Variants in CUBN observed in about 807,000 individuals in gnomAD.
The protein encoded by CUBN is cubilin, also known as 460 kDa receptor.
A neutral mutation model predicts 405.3 loss-of-function variants in CUBN; 282 were observed. The ratio of observed to expected loss-of-function variants is 0.70; its 90% CI spans 0.63 to 0.77. CUBN has a LOEUF of 0.77. CUBN is among the 30% of genes least tolerant of loss of function. The probability of loss-of-function intolerance (pLI) is 0.00; values close to 1 mark genes in which losing one functional copy is unlikely to be tolerated. For missense variants in CUBN, 4,514 were observed against 4,475.2 expected (o/e 1.01, Z -0.25); for synonymous variants, 1,684 against 1,617.0 (o/e 1.04, Z -0.99).
rs1327326965 is a variant in CUBN at position 17,088,153 on chromosome 10, T to A, written c.1947+11A>T. ...TATTGTGATATGTTCTATCTAAATA[T>A]AATTATTTACCTCAAGGTAATCTTT... On this transcript the variant is annotated intron_variant, in intron 15 of 66. Transcript: ENST00000377833. 2 of 1,601,116 alleles carry A rather than the reference T, an allele frequency of 1.2e-6. No homozygotes were observed. The highest frequency in any genetic ancestry group is 1.3e-5 in the African/African-American group (1 of 74,630).
At chr10:17,008,238 G>GTGGTGT (rs1554809152) in intron 28 of CUBN, among the ~76,000 whole-genome samples, 4 of 80,846 alleles carry the variant, frequency 4.9e-5, no homozygotes, top group Non-Finnish European at 8.8e-5. Context: ...GCCCGTGTGT[G>GTGGTGT]GTGTGTGTGT....
Position 17,081,409 on chromosome 10 carries a change from A to T in CUBN, c.2301+2862T>A, listed in dbSNP as rs1316345541. Among the ~76,000 whole-genome samples, 4 of 152,188 alleles carry T rather than the reference A, an allele frequency of 2.6e-5. No homozygotes were observed. The East Asian group carries it at 7.7e-4, about 29-fold the overall frequency. On this transcript the variant is annotated intron_variant, in intron 17 of 66. Coordinates refer to ENST00000377833, the MANE Select transcript of CUBN (RefSeq NM_001081.4). The stretch of plus-strand genomic sequence containing the variant: ...AATTTTGGGTGGACTGCTTTTACTC[A>T]TCAATGGAGTCAGTAAAGGACAAAG...
At chr10:17,072,180 G>A (rs1380526267) in intron 17 of CUBN, among the ~76,000 whole-genome samples, 1 of 151,986 alleles carries the variant, frequency 6.6e-6, no homozygotes, top group Non-Finnish European at 1.5e-5. Flanking sequence ...AGCCAATAAA[G>A]TCCAAAAGCA....
Position 17,045,125 on chromosome 10 carries a change from T to C in CUBN, c.3554A>G (p.Tyr1185Cys). Residue 1185 changes from tyrosine (Y) to cysteine (C), a missense_variant, in exon 25 of 67, where the codon TAT (tyrosine) becomes TGT (cysteine). This residue lies in a region of CUBN where 242 missense variants were observed against 309.0 expected (regional missense o/e 0.78). Coordinates refer to ENST00000377833, the MANE Select transcript of CUBN (RefSeq NM_001081.4). ...TFISPNYPMP[Y>C]YHSSECYWWL... ...CCAGTAGCATTCAGAGCTGTGGTAA[T>C]AGGGCATCGGGTAGTTGGGAGATAT... 1 of 1,614,018 alleles carries C rather than the reference T, an allele frequency of 6.2e-7. No individual in the cohort carries two copies.
chr10:16,907,746 T>A, intron 48 of CUBN, 67 bp from the exon 49 acceptor site: 1 of 1,550,464 alleles, frequency 6.4e-7, no homozygotes. Context: ...TAGGAGGTGA[T>A]ATTTCCAGCC....
chr10:17,047,276 C>T, intron 23 of CUBN, 138 bp downstream of exon 23: 3 of 661,164 alleles, frequency 4.5e-6, no homozygotes, highest in Non-Finnish European at 7.5e-6. Context: ...AAATGACAAA[C>T]TTTATTTCTT....
intron 31 of CUBN, among the ~76,000 whole-genome samples, chr10:16,975,624 C>CT (rs199779818): frequency 0.2 from 23,487 of 117,580 alleles, 3,090 homozygotes; most frequent in Non-Finnish European, 0.27. Flanking sequence ...TAAAGACCTT[C>CT]TTTTTTTTTT....
intron 1 of CUBN, 146 bp from the exon 2 acceptor site, chr10:17,129,396 C>G: frequency 9.7e-7 from 1 of 1,031,226 alleles, no homozygotes; most frequent in Non-Finnish European, 1.4e-6. Context: ...GCTCATCTGC[C>G]ACTTTTTTCT....
chr10:17,076,793 G>A (rs1442074035), intron 17 of CUBN, among the ~76,000 whole-genome samples: 1 of 152,156 alleles, frequency 6.6e-6, no homozygotes, highest in Non-Finnish European at 1.5e-5. Context: ...TCTAGAGCCT[G>A]GGTCTCAGGA....
chr10:16,901,121 C>A (rs1413747018), intron 52 of CUBN, among the ~76,000 whole-genome samples: 1 of 152,108 alleles, frequency 6.6e-6, no homozygotes, highest in Non-Finnish European at 1.5e-5. Flanking sequence ...CTGTGTATAT[C>A]TTTCCCTATG....
intron 22 of CUBN, among the ~76,000 whole-genome samples, chr10:17,053,357 T>A (rs1485688056): frequency 6.6e-6 from 1 of 151,952 alleles, no homozygotes; most frequent in Non-Finnish European, 1.5e-5. Flanking sequence ...ATGGTGAAAC[T>A]AAGTTGTAAC....
chr10:17,114,308 T>C (rs1836838387), intron 7 of CUBN, 119 bp from the exon 8 acceptor site: 1 of 957,420 alleles, frequency 1.0e-6, no homozygotes, highest in Non-Finnish European at 1.6e-6. Flanking sequence ...ATAAGGCCAA[T>C]CCACTGGCTT....
intron 17 of CUBN, among the ~76,000 whole-genome samples, chr10:17,077,512 G>T (rs1835879045): frequency 6.6e-6 from 1 of 152,032 alleles, no homozygotes; most frequent in Non-Finnish European, 1.5e-5. Context: ...ATCCAGATTT[G>T]GTTTTATACT....
Position 16,925,248 on chromosome 10 carries a change from C to T in CUBN, c.6639G>A (p.Lys2213=). 1 of 1,611,304 alleles carries T rather than the reference C, an allele frequency of 6.2e-7. No individual in the cohort carries two copies. The highest frequency in any genetic ancestry group is 8.5e-7 in the Non-Finnish European group (1 of 1,177,592). ...GQGFKIKYEA[K]SLACGGNVYI... ...CTCAGTGAAAATACTTACCTAAACT[C>T]TTTGCCTCATATTTGATTTTAAATC... The change falls in exon 43 of 67, where the codon AAG becomes AAA. Residue 2213 remains lysine, a synonymous_variant. Coordinates refer to ENST00000377833, the MANE Select transcript of CUBN (RefSeq NM_001081.4).
At chr10:17,077,762 A>C (rs968507812) in intron 17 of CUBN, among the ~76,000 whole-genome samples, 2 of 152,168 alleles carry the variant, frequency 1.3e-5, no homozygotes, top group Admixed American at 6.6e-5. Context: ...CCCTGCCCCC[A>C]GTGAGAGAAT....
Position 16,925,135 on chromosome 10 carries a change from A to G in CUBN, c.6646+106T>C, listed in dbSNP as rs535768577. On this transcript the variant is annotated intron_variant, in intron 43 of 66. Coordinates refer to ENST00000377833, the MANE Select transcript of CUBN (RefSeq NM_001081.4). ...ATATAATAAGTACTTGAGAGTAGGC[A>G]TTCTTATTAATTCTATTACTGTTGG... The G allele has an allele frequency of 8.5e-4, 697 of 820,326 alleles. 4 individuals carry two copies. The African/African-American group carries it at 0.011, about 13-fold the overall frequency. 50.8% of individuals were successfully genotyped at this position (820,326 alleles called of 1,614,324 possible).
chr10:16,985,768 G>A (rs1229984969), intron 29 of CUBN, among the ~76,000 whole-genome samples: 1 of 152,222 alleles, frequency 6.6e-6, no homozygotes, highest in Non-Finnish European at 1.5e-5. Context: ...GTCCTGCGAC[G>A]GGGTGGTCAG....
At chr10:16,831,116 T>C in intron 65 of CUBN, 136 bp downstream of exon 65, 1 of 784,060 alleles carries the variant, frequency 1.3e-6, no homozygotes, top group Non-Finnish European at 2.2e-6. Context: ...GTACTTTCAA[T>C]GTTAAAATCT....
chr10:17,071,939 G>A lies in CUBN; in HGVS notation c.2334C>T (p.Val778=). ...TGTGAGAGATGGTTCCGTTGCCACA[G>A]ACTTTTCCAAGTAAGGTTTCACCAT... The part of the protein sequence containing the change: ...VRDGETLLGK[V]CGNGTISHIK... Residue 778 remains valine (V), a synonymous_variant, in exon 18 of 67, where the codon GTC becomes GTT. Transcript: ENST00000377833. The A allele has an allele frequency of 6.2e-7, 1 of 1,612,942 alleles. No individual in the cohort carries two copies. Among genetic ancestry groups the A allele is most frequent in the Non-Finnish European group, 8.5e-7 (1 of 1,179,526 alleles).
Sources: allele counts gnomAD v4.1 joint callset (sites outside exome capture counted in the v4.1 genomes callset), GRCh38; gene constraint gnomAD v4.1.1; regional missense constraint gnomAD v4.1.1; transcripts MANE v1.5; gene names NCBI Gene and HGNC (gene_info 2026-07-23, HGNC 2026-07-21).